The following GALNTL6 variants were observed in gnomAD, a reference collection of about 807,000 sequenced individuals.
The protein encoded by GALNTL6 is polypeptide N-acetylgalactosaminyltransferase-like 6.
In GALNTL6, 46 loss-of-function variants were observed where a neutral mutation model predicts 73.7. The observed-to-expected ratio is 0.62, with a 90% CI of 0.49 to 0.80. The LOEUF is 0.80. GALNTL6 is among the 30% of genes least tolerant of loss of function. The pLI is 0.00. For synonymous variants in GALNTL6, 259 were observed against 263.7 expected (o/e 0.98, Z 0.17); for missense variants, 604 against 755.0 (o/e 0.80, Z 2.34).
chr4:172,792,097 T>G lies in GALNTL6; in HGVS notation c.554-17264T>G, dbSNP rs1463873369. Among the ~76,000 whole-genome samples, 4 of 152,200 alleles carry G rather than the reference T, an allele frequency of 2.6e-5. No individual in the cohort carries two copies. In the East Asian group the frequency reaches 7.7e-4, roughly 29 times the overall value. Reference sequence around the variant, plus strand: ...ATAACTTGATAATATCAGAACCATTTGAGACATTTCACGATGCTTCTAGTG... The same window carrying G: ...ATAACTTGATAATATCAGAACCATTGGAGACATTTCACGATGCTTCTAGTG... On this transcript the variant is annotated intron_variant, in intron 5 of 12. Coordinates refer to ENST00000506823, the MANE Select transcript of GALNTL6 (RefSeq NM_001034845.3).
intron 2 of GALNTL6, among the ~76,000 whole-genome samples, chr4:171,859,688 ATG>A (rs1429068501): frequency 2.0e-4 from 30 of 152,234 alleles, no homozygotes; most frequent in African/African-American, 7.2e-4. Context: ...CAGCAATGTT[ATG>A]TGACAGCACA....
At chr4:171,893,807 A>T (rs925066698) in intron 2 of GALNTL6, among the ~76,000 whole-genome samples, 9 of 152,202 alleles carry the variant, frequency 5.9e-5, no homozygotes, top group African/African-American at 1.7e-4. Flanking sequence ...TCATTTCTAC[A>T]GACTGCTAAA....
chr4:172,289,700 C>G (rs1004610257), intron 3 of GALNTL6, among the ~76,000 whole-genome samples: 1 of 152,202 alleles, frequency 6.6e-6, no homozygotes, highest in South Asian at 2.1e-4. Context: ...CAAAGCCCAT[C>G]TATTTGATGC....
intron 2 of GALNTL6, among the ~76,000 whole-genome samples, chr4:172,092,416 C>T (rs1483106814): frequency 6.6e-6 from 1 of 152,004 alleles, no homozygotes; most frequent in Non-Finnish European, 1.5e-5. Flanking sequence ...TAATTTAATA[C>T]ATAAAATAAG....
intron 5 of GALNTL6, among the ~76,000 whole-genome samples, chr4:172,610,177 T>C (rs1738475538): frequency 6.6e-6 from 1 of 152,040 alleles, no homozygotes; most frequent in East Asian, 1.9e-4. Flanking sequence ...TGGTTTTTCA[T>C]GTCTTAATCT....
At position 172,756,631 on chromosome 4, in the gene GALNTL6, G is replaced by A. The variant is rs760282508; in HGVS notation, c.554-52730G>A. Among the ~76,000 whole-genome samples, 12 of 151,352 alleles carry A rather than the reference G, an allele frequency of 7.9e-5. 1 individual carries two copies. In the South Asian group the frequency reaches 8.4e-4, roughly 11 times the overall value. ...CTGCACACTACAGCCCGGCAACAGCGTGTGACTAAAAAAAAAAAAAGAAAG... is the reference window on the plus strand; with the variant it reads ...CTGCACACTACAGCCCGGCAACAGCATGTGACTAAAAAAAAAAAAAGAAAG... On this transcript the variant is annotated intron_variant, in intron 5 of 12. Coordinates refer to ENST00000506823, the MANE Select transcript of GALNTL6 (RefSeq NM_001034845.3).
At chr4:172,626,511 A>G (rs1487079280) in intron 5 of GALNTL6, among the ~76,000 whole-genome samples, 2 of 152,102 alleles carry the variant, frequency 1.3e-5, no homozygotes, top group Non-Finnish European at 2.9e-5. Flanking sequence ...TTGGTGCCAC[A>G]TGAATTTTAG....
intron 5 of GALNTL6, among the ~76,000 whole-genome samples, chr4:172,598,769 T>G (rs1737951912): frequency 6.6e-6 from 1 of 152,202 alleles, no homozygotes; most frequent in Admixed American, 6.5e-5. Flanking sequence ...CCATTATCCT[T>G]ATAAAATATT....
At chr4:172,362,361 CATTA>C (rs1401488556) in intron 5 of GALNTL6, among the ~76,000 whole-genome samples, 3 of 143,208 alleles carry the variant, frequency 2.1e-5, no homozygotes, top group African/African-American at 5.0e-5. Context: ...TATTTGTTCA[CATTA>C]ATTAATATTA....
intron 5 of GALNTL6, among the ~76,000 whole-genome samples, chr4:172,398,236 G>T (rs922144444): frequency 6.6e-6 from 1 of 152,168 alleles, no homozygotes; most frequent in African/African-American, 2.4e-5. Flanking sequence ...AACAAAAGGA[G>T]TTAATGTTTA....
intron 8 of GALNTL6, among the ~76,000 whole-genome samples, chr4:172,929,611 A>G (rs749450220): frequency 6.6e-6 from 1 of 152,106 alleles, no homozygotes; most frequent in Non-Finnish European, 1.5e-5. Context: ...CCTTCATCCA[A>G]TTGGATGAGG....
At chr4:172,073,584 T>C (rs1323993676) in intron 2 of GALNTL6, among the ~76,000 whole-genome samples, 1 of 152,196 alleles carries the variant, frequency 6.6e-6, no homozygotes, top group Non-Finnish European at 1.5e-5. Flanking sequence ...AAACACCTCC[T>C]TCCCTCTAGA....
chr4:172,400,464 G>C (rs912879049), intron 5 of GALNTL6, among the ~76,000 whole-genome samples: 1 of 152,204 alleles, frequency 6.6e-6, no homozygotes, highest in African/African-American at 2.4e-5. Flanking sequence ...AATACTTGTG[G>C]TCTCACAGAT....
At position 172,354,521 on chromosome 4, in the gene GALNTL6, G is replaced by C. The variant is rs112639928; in HGVS notation, c.553+5832G>C. Among the ~76,000 whole-genome samples the C allele has an allele frequency of 3.6e-3, 543 of 151,540 alleles. 2 individuals carry two copies. Among genetic ancestry groups the C allele is most frequent in the African/African-American group, 9.5e-3 (391 of 41,352 alleles). On this transcript the variant is annotated intron_variant, in intron 5 of 12. Coordinates refer to ENST00000506823, the MANE Select transcript of GALNTL6 (RefSeq NM_001034845.3). ...ACATTTGTGAATGTAAGGGAATCTG[G>C]GACATTGAGCGACATTGCTCTCTGT...
chr4:172,644,712 T>C (rs1184984019), intron 5 of GALNTL6, among the ~76,000 whole-genome samples: 1 of 152,012 alleles, frequency 6.6e-6, no homozygotes, highest in Non-Finnish European at 1.5e-5. Context: ...TCCAGATATA[T>C]GTGTCTGTAT....
intron 5 of GALNTL6, among the ~76,000 whole-genome samples, chr4:172,551,075 A>G (rs1402239038): frequency 6.6e-6 from 1 of 152,216 alleles, no homozygotes; most frequent in Non-Finnish European, 1.5e-5. Flanking sequence ...GAGAGCTGAT[A>G]CTTCTAATTT....
In GALNTL6 at chr4:172,999,879, C is replaced by T. The variant is rs1379183526; in HGVS notation, c.1372-9299C>T. 3.3e-5 allele frequency among the ~76,000 whole-genome samples: 5 copies of T among 152,094 alleles called. No homozygotes were observed. The East Asian group carries it at 9.7e-4, about 29-fold the overall frequency. On this transcript the variant is annotated intron_variant, in intron 10 of 12. Transcript: ENST00000506823. The stretch of plus-strand genomic sequence containing the variant: ...CCATTATGACAATTACATAACTCTC[C>T]ACCTGTCTTTCTCATAATCACCAGA...
In GALNTL6 at chr4:172,068,043, G is replaced by T. The variant is rs113003786; in HGVS notation, c.139-161613G>T. The stretch of plus-strand genomic sequence containing the variant: ...ACATCTCTGGATCCAACAGGTTTTT[G>T]TTGTTGTTGTTGTTTTTCCTGGACT... On this transcript the variant is annotated intron_variant, in intron 2 of 12. Transcript: ENST00000506823. 5.8e-4 allele frequency among the ~76,000 whole-genome samples: 10 copies of T among 17,358 alleles called. 5 individuals are homozygous for T. Among genetic ancestry groups the T allele is most frequent in the African/African-American group, 1.2e-3 (10 of 8,196 alleles). 11.4% of individuals were successfully genotyped at this position (17,358 alleles called of 152,430 possible).
intron 2 of GALNTL6, among the ~76,000 whole-genome samples, chr4:171,828,660 C>T (rs116740295): frequency 0.015 from 2,351 of 152,256 alleles, 64 homozygotes; most frequent in African/African-American, 0.054. Context: ...CCCTCCATCG[C>T]CCAGGCTGGA....
Sources: allele counts gnomAD v4.1 joint callset (sites outside exome capture counted in the v4.1 genomes callset), GRCh38; gene constraint gnomAD v4.1.1; transcripts MANE v1.5; gene names NCBI Gene and HGNC (gene_info 2026-07-23, HGNC 2026-07-21).